SLC24A2: variants seen among roughly 807,000 people sequenced by gnomAD.
SLC24A2 encodes solute carrier family 24 member 2, also known as sodium/potassium/calcium exchanger 2.
A neutral mutation model predicts 62.0 loss-of-function variants in SLC24A2; 36 were observed. The ratio of observed to expected loss-of-function variants is 0.58; its 90% CI spans 0.44 to 0.77. SLC24A2 has a LOEUF of 0.77. Ranked by LOEUF, SLC24A2 falls within the 30% of genes least tolerant of loss-of-function variation. The probability of loss-of-function intolerance (pLI) is 0.00; values close to 1 mark genes in which losing one functional copy is unlikely to be tolerated. For missense variants in SLC24A2, 846 were observed against 817.9 expected (o/e 1.03, Z -0.42); for synonymous variants, 358 against 294.0 (o/e 1.22, Z -2.23).
At chr9:20,214,630 A>AAAAAAT in the SLC24A2 span, among the ~76,000 whole-genome samples, 2 of 28,404 alleles carry the variant, frequency 7.0e-5, no homozygotes, top group Non-Finnish European at 4.1e-4. Context: ...AATAAAAAAT[A>AAAAAAT]AAAAAAAAAA....
the SLC24A2 span, among the ~76,000 whole-genome samples, chr9:19,846,177 A>T: frequency 6.6e-6 from 1 of 151,902 alleles, no homozygotes. Context: ...TTTTTCTAAC[A>T]TTTTCAGTGG....
chr9:19,735,175 C>A (rs989818721), intron 2 of SLC24A2, among the ~76,000 whole-genome samples: 27 of 151,030 alleles, frequency 1.8e-4, no homozygotes, highest in East Asian at 5.8e-4. Context: ...AAAAAAAAAA[C>A]CCCATCAACA....
intron 2 of SLC24A2, among the ~76,000 whole-genome samples, chr9:19,692,983 T>C (rs184427388): frequency 2.6e-5 from 4 of 152,258 alleles, no homozygotes; most frequent in Non-Finnish European, 4.4e-5. Flanking sequence ...TTCTAACAGG[T>C]TGTGTTTCTG....
rs994565972 is a variant in SLC24A2 at position 19,672,443 on chromosome 9, T to C, written c.931-50144A>G. Among the ~76,000 whole-genome samples the C allele has an allele frequency of 7.5e-5, 11 of 146,774 alleles. 3 individuals are homozygous for C. Among genetic ancestry groups the C allele is most frequent in the African/African-American group, 2.9e-4 (11 of 37,312 alleles). On this transcript the variant is annotated intron_variant, in intron 2 of 10. Coordinates refer to ENST00000341998, the MANE Select transcript of SLC24A2 (RefSeq NM_020344.4). Reference sequence around the variant, plus strand: ...TTGGGTCTTCTCTCTTCTTTGTTAATCTTGCTAATGGTCTATCAATTTTAT... The same window carrying C: ...TTGGGTCTTCTCTCTTCTTTGTTAACCTTGCTAATGGTCTATCAATTTTAT...
chr9:19,604,274 C>T (rs1836924210), intron 4 of SLC24A2, among the ~76,000 whole-genome samples: 1 of 152,132 alleles, frequency 6.6e-6, no homozygotes, highest in Non-Finnish European at 1.5e-5. Flanking sequence ...GGTCTTGACT[C>T]TTGGAATCCC....
At chr9:20,109,433 T>C in the SLC24A2 span, among the ~76,000 whole-genome samples, 3 of 152,208 alleles carry the variant, frequency 2.0e-5, no homozygotes, top group Non-Finnish European at 4.4e-5. Context: ...GTGCCTAAAC[T>C]GCAAATGGCT....
chr9:19,880,842 A>G, the SLC24A2 span, among the ~76,000 whole-genome samples: 1 of 152,156 alleles, frequency 6.6e-6, no homozygotes, highest in Non-Finnish European at 1.5e-5. Context: ...TTGACTTCAA[A>G]GGAGTCGCAG....
chr9:19,509,117 T>C lies in SLC24A2; in HGVS notation c.*7036A>G, dbSNP rs560057068. 6.6e-6 allele frequency: 1 copy of C among 152,338 alleles called. No homozygotes were observed. The highest frequency in any genetic ancestry group is 2.1e-4 in the South Asian group (1 of 4,830). 9.4% of individuals were successfully genotyped at this position (152,338 alleles called of 1,614,324 possible). ...ACACATCCTACATTTCCCAGGTATATGTTTGCTAATTATCTATTTCATTTT... is the reference window on the plus strand; with the variant it reads ...ACACATCCTACATTTCCCAGGTATACGTTTGCTAATTATCTATTTCATTTT... On this transcript the variant is annotated 3_prime_UTR_variant, in exon 11 of 11. Coordinates refer to ENST00000341998, the MANE Select transcript of SLC24A2 (RefSeq NM_020344.4).
the SLC24A2 span, among the ~76,000 whole-genome samples, chr9:20,269,425 T>A: frequency 6.6e-6 from 1 of 152,156 alleles, no homozygotes; most frequent in Admixed American, 6.6e-5. Flanking sequence ...CTCCCACCCA[T>A]GACTCTCCTG....
the SLC24A2 span, among the ~76,000 whole-genome samples, chr9:20,179,581 C>T: frequency 6.6e-6 from 1 of 152,140 alleles, no homozygotes; most frequent in East Asian, 1.9e-4. Context: ...TTTTTGAAAG[C>T]TTCCCTCTGT....
the SLC24A2 span, among the ~76,000 whole-genome samples, chr9:19,841,542 G>A: frequency 1.3e-5 from 2 of 152,178 alleles, no homozygotes; most frequent in Admixed American, 1.3e-4. Flanking sequence ...AGGATGACAT[G>A]CCAGTTATCA....
chr9:20,077,250 G>A, the SLC24A2 span, among the ~76,000 whole-genome samples: 189 of 152,084 alleles, frequency 1.2e-3, 2 homozygotes, highest in Middle Eastern at 0.017. Context: ...TTAATAAATT[G>A]TATTGTGTTA....
At chr9:20,063,544 A>G in the SLC24A2 span, among the ~76,000 whole-genome samples, 1 of 151,712 alleles carries the variant, frequency 6.6e-6, no homozygotes, top group Non-Finnish European at 1.5e-5. Flanking sequence ...CTAATCCAAG[A>G]TGACGAGTTA....
the SLC24A2 span, among the ~76,000 whole-genome samples, chr9:19,874,719 T>G: frequency 2.6e-5 from 4 of 152,214 alleles, no homozygotes; most frequent in Non-Finnish European, 5.9e-5. Flanking sequence ...CACTACATCA[T>G]TTCATTTGTC....
At chr9:19,837,996 A>C in the SLC24A2 span, among the ~76,000 whole-genome samples, 1 of 151,642 alleles carries the variant, frequency 6.6e-6, no homozygotes, top group East Asian at 1.9e-4. Flanking sequence ...ATACTGCCCA[A>C]GGTAATTTAT....
chr9:19,703,399 C>G (rs936947170), intron 2 of SLC24A2, among the ~76,000 whole-genome samples: 1 of 152,254 alleles, frequency 6.6e-6, no homozygotes, highest in East Asian at 1.9e-4. Flanking sequence ...AGAGGGGTTG[C>G]AGAGGGCTTA....
At chr9:20,235,928 C>G in the SLC24A2 span, among the ~76,000 whole-genome samples, 4 of 152,178 alleles carry the variant, frequency 2.6e-5, no homozygotes, top group Admixed American at 6.5e-5. Flanking sequence ...TCACTGTAAG[C>G]TTTCCAAGGA....
the SLC24A2 span, among the ~76,000 whole-genome samples, chr9:20,034,690 G>C: frequency 6.6e-6 from 1 of 151,946 alleles, no homozygotes; most frequent in Admixed American, 6.6e-5. Context: ...GGATGGTCTC[G>C]ATCTCCTGAA....
chr9:19,587,540 G>A (rs960061834), intron 5 of SLC24A2, among the ~76,000 whole-genome samples: 1 of 152,130 alleles, frequency 6.6e-6, no homozygotes, highest in Non-Finnish European at 1.5e-5. Flanking sequence ...CTTAACTAAA[G>A]GCTTAGAGGC....
Sources: gnomAD v4.1 joint callset for allele counts (sites outside exome capture counted in the v4.1 genomes callset) on GRCh38, gnomAD v4.1.1 for gene constraint, MANE v1.5 for transcripts, NCBI Gene and HGNC (gene_info 2026-07-23, HGNC 2026-07-21) for gene names.